RBFOX1: variants seen among roughly 807,000 people sequenced by gnomAD.
The protein encoded by RBFOX1 is RNA binding fox-1 homolog 1.
In RBFOX1, 8 loss-of-function variants were observed where a neutral mutation model predicts 57.7. That is an observed-to-expected ratio of 0.14 (90% CI 0.08 to 0.25). The LOEUF is 0.25. Ranked by LOEUF, RBFOX1 falls within the 10% of genes least tolerant of loss-of-function variation. RBFOX1 has a pLI of 1.00. For synonymous variants in RBFOX1, 326 were observed against 222.4 expected (o/e 1.47, Z -4.15); for missense variants, 611 against 548.5 (o/e 1.11, Z -1.14).
intron 1 of RBFOX1, among the ~76,000 whole-genome samples, chr16:6,076,938 A>G (rs972633498): frequency 2.0e-5 from 3 of 152,186 alleles, no homozygotes; most frequent in Non-Finnish European, 2.9e-5. Context: ...TGCACAGTGC[A>G]CTTAATAAGA....
At chr16:5,632,145 G>C (rs2048530667) in intron 3 of RBFOX1, among the ~76,000 whole-genome samples, 1 of 152,206 alleles carries the variant, frequency 6.6e-6, no homozygotes, top group Non-Finnish European at 1.5e-5. Context: ...ACAGGATGCA[G>C]GTAAGCTACT....
At chr16:7,046,069 A>T (rs1159979296) in intron 3 of RBFOX1, among the ~76,000 whole-genome samples, 1 of 152,160 alleles carries the variant, frequency 6.6e-6, no homozygotes. Flanking sequence ...TGCTGATTAT[A>T]AATGCCCTGT....
chr16:5,831,795 G>A (rs933606803), intron 3 of RBFOX1, among the ~76,000 whole-genome samples: 4 of 151,962 alleles, frequency 2.6e-5, no homozygotes, highest in Admixed American at 2.0e-4. Context: ...CATGCAAGAT[G>A]GCCTAATACT....
chr16:5,769,775 A>T (rs1276629844), intron 3 of RBFOX1, among the ~76,000 whole-genome samples: 1 of 152,186 alleles, frequency 6.6e-6, no homozygotes, highest in Non-Finnish European at 1.5e-5. Context: ...TGCAGCCCTG[A>T]GGAGGAATCA....
chr16:6,980,979 G>T (rs865931034), intron 3 of RBFOX1, among the ~76,000 whole-genome samples: 1 of 139,506 alleles, frequency 7.2e-6, no homozygotes, highest in African/African-American at 2.8e-5. Context: ...GGAAGTGGAG[G>T]TTGCAGTCTG....
chr16:6,931,087 G>A (rs994280363), intron 3 of RBFOX1, among the ~76,000 whole-genome samples: 1 of 152,006 alleles, frequency 6.6e-6, no homozygotes, highest in Non-Finnish European at 1.5e-5. Flanking sequence ...TAGAATAGCA[G>A]ATATTGAATA....
chr16:6,295,243 C>T (rs111841592), intron 1 of RBFOX1, among the ~76,000 whole-genome samples: 36,216 of 151,766 alleles, frequency 0.24, 4,407 homozygotes, highest in South Asian at 0.25. Context: ...CGTGCCTCAG[C>T]CTCCCAAGTA....
chr16:5,598,863 T>G (rs1567279056), intron 2 of RBFOX1: 1 of 1,439,576 alleles, frequency 6.9e-7, no homozygotes, highest in African/African-American at 1.4e-5. Flanking sequence ...TCAACCCGGC[T>G]TCCCCAACCT....
At chr16:6,476,966 G>T (rs2153088410) in intron 2 of RBFOX1, among the ~76,000 whole-genome samples, 1 of 152,146 alleles carries the variant, frequency 6.6e-6, no homozygotes. Flanking sequence ...CACTTTTTCT[G>T]CTGATCCATA....
chr16:5,679,198 G>T (rs1015960163), intron 3 of RBFOX1, among the ~76,000 whole-genome samples: 10 of 152,240 alleles, frequency 6.6e-5, no homozygotes, highest in Non-Finnish European at 5.9e-5. Flanking sequence ...TTTCTGCAAG[G>T]GCGCATCTTC....
At chr16:6,777,395 CG>C (rs2079557391) in intron 3 of RBFOX1, among the ~76,000 whole-genome samples, 1 of 152,062 alleles carries the variant, frequency 6.6e-6, no homozygotes, top group South Asian at 2.1e-4. Context: ...CCGAGGCAGG[CG>C]CTCGGGGAAT....
chr16:6,577,860 G>A (rs2097464963), intron 2 of RBFOX1, among the ~76,000 whole-genome samples: 1 of 152,140 alleles, frequency 6.6e-6, no homozygotes, highest in South Asian at 2.1e-4. Flanking sequence ...AGGACTATAT[G>A]GAAGGATATT....
At chr16:7,411,462 A>C (rs958929641) in intron 4 of RBFOX1, among the ~76,000 whole-genome samples, 2 of 152,328 alleles carry the variant, frequency 1.3e-5, no homozygotes, top group South Asian at 2.1e-4. Flanking sequence ...GATGTTGAAC[A>C]CATGAAAATG....
chr16:5,348,125 CCCACCTATCCAT>C lies in RBFOX1; in HGVS notation c.219+108026_219+108037del, dbSNP rs376730027. Among the ~76,000 whole-genome samples, 6 of 149,934 alleles carry C rather than the reference CCCACCTATCCAT, an allele frequency of 4.0e-5. 1 individual carries two copies. Among genetic ancestry groups the C allele is most frequent in the African/African-American group, 1.5e-4 (6 of 40,676 alleles). On this transcript the variant is annotated intron_variant, in intron 1 of 2. Coordinates refer to the RBFOX1 transcript ENST00000585867. ...ACCCACCCTTCTGTCCATCCATCCA[CCCACCTATCCAT>C]CCACCCATGTATCCATCCACCCATC...
rs562031965 is a variant in RBFOX1, at chr16:7,337,106, C to T, written c.28-181041C>T. On this transcript the variant is annotated intron_variant, in intron 4 of 15. Coordinates refer to ENST00000550418, the MANE Select transcript of RBFOX1 (RefSeq NM_018723.4). ...AAATTGCAGTCATGCCTTTAATTCC[C>T]CTTTGCCTATGGAGAACCTAAAACC... Among the ~76,000 whole-genome samples, 3 of 152,212 alleles carry T rather than the reference C, an allele frequency of 2.0e-5. No homozygotes were observed. In the East Asian group the frequency reaches 5.8e-4, roughly 29 times the overall value.
intron 1 of RBFOX1, among the ~76,000 whole-genome samples, chr16:6,159,675 C>T (rs897908017): frequency 6.6e-6 from 1 of 152,158 alleles, no homozygotes; most frequent in Non-Finnish European, 1.5e-5. Flanking sequence ...ATGTTAATAT[C>T]AAGAAGTATG....
chr16:7,193,747 C>A (rs2152662206), intron 4 of RBFOX1, among the ~76,000 whole-genome samples: 1 of 152,260 alleles, frequency 6.6e-6, no homozygotes, highest in Non-Finnish European at 1.5e-5. Flanking sequence ...CACCAGCAAC[C>A]ATGGTAGACA....
At chr16:5,319,300 G>C (rs537382136) in intron 1 of RBFOX1, among the ~76,000 whole-genome samples, 2 of 152,308 alleles carry the variant, frequency 1.3e-5, no homozygotes, top group African/African-American at 4.8e-5. Context: ...CCTGGCTGAT[G>C]GATGACTAGG....
At chr16:6,838,222 C>G (rs999790933) in intron 3 of RBFOX1, among the ~76,000 whole-genome samples, 2 of 152,000 alleles carry the variant, frequency 1.3e-5, no homozygotes, top group African/African-American at 4.8e-5. Flanking sequence ...TGTTCCCTTC[C>G]CTGTGTCCAT....
Sources: allele counts gnomAD v4.1 joint callset (sites outside exome capture counted in the v4.1 genomes callset), GRCh38; gene constraint gnomAD v4.1.1; transcripts MANE v1.5; gene names NCBI Gene and HGNC (gene_info 2026-07-23, HGNC 2026-07-21).